PIK3CA: variants seen among roughly 807,000 people sequenced by gnomAD.
The protein encoded by PIK3CA is phosphatidylinositol 4,5-bisphosphate 3-kinase catalytic subunit alpha isoform.
A neutral mutation model predicts 138.2 loss-of-function variants in PIK3CA; 27 were observed. The ratio of observed to expected loss-of-function variants is 0.20; its 90% confidence interval spans 0.14 to 0.27. The LOEUF is 0.27. Ranked by LOEUF, PIK3CA falls within the 10% of genes least tolerant of loss-of-function variation. The pLI is 1.00. For missense variants in PIK3CA, 544 were observed against 1,277.4 expected, an observed-to-expected ratio of 0.43 and a Z score of 8.75; for synonymous variants, 358 against 413.2, an observed-to-expected ratio of 0.87 and a Z score of 1.62.
At chr3:179,161,690 C>CT (rs1312523761) in intron 1 of PIK3CA, among the ~76,000 whole-genome samples, 1 of 152,114 alleles carries the variant, frequency 6.6e-6, no homozygotes, top group East Asian at 1.9e-4. Flanking sequence ...GAATGAGACT[C>CT]TGTCTCAAAA....
At chr3:179,193,946 C>T (rs1024451958) in intron 1 of PIK3CA, among the ~76,000 whole-genome samples, 2 of 152,036 alleles carry the variant, frequency 1.3e-5, no homozygotes, top group Non-Finnish European at 2.9e-5. Context: ...AGTGATTTAT[C>T]CCCCCATTGC....
intron 1 of PIK3CA, among the ~76,000 whole-genome samples, chr3:179,183,515 AATAAATTTGGCATTTG>A (rs1723901770): frequency 6.6e-6 from 1 of 152,240 alleles, no homozygotes; most frequent in African/African-American, 2.4e-5. Context: ...TGTTTTGACC[AATAAATTTGGCATTTG>A]AAATGAGCAG....
rs1488444434 is a variant in PIK3CA, at chr3:179,148,487, G to A, written c.-193G>A. On this transcript the variant is annotated 5_prime_UTR_variant, in exon 1 of 21. Coordinates refer to ENST00000263967, the MANE Select transcript of PIK3CA (RefSeq NM_006218.4). ...GGCAGCTCCGGAGCGGCGGGGGAGA[G>A]GGGCCGGGAGGCGGGGGCCGTGCCG... The A allele has an allele frequency of 6.6e-6, 1 of 151,138 alleles. No individual in the cohort carries two copies. The highest frequency in any genetic ancestry group is 1.5e-5 in the Non-Finnish European group (1 of 67,684). 9.4% of individuals were successfully genotyped at this position (151,138 alleles called of 1,614,324 possible). A position where few individuals can be genotyped will look rare whatever the true frequency, so the allele number is the denominator to read the frequency against.
Position 179,224,201 on chromosome 3 carries a change from G to T in PIK3CA, c.2294+14G>T. On this transcript the variant is annotated intron_variant, in intron 15 of 20. Transcript: ENST00000263967. ...AGGAAACCTCAGGTACTTTCTTGGG[G>T]GTTTCATTGATATATTTAAATAAAT... 1.6e-6 allele frequency: 2 copies of T among 1,257,024 alleles called. No individual in the cohort carries two copies. The highest frequency in any genetic ancestry group is 1.4e-5 in the South Asian group (1 of 73,166). 77.9% of individuals were successfully genotyped at this position (1,257,024 alleles called of 1,614,324 possible).
intron 1 of PIK3CA, among the ~76,000 whole-genome samples, chr3:179,179,689 A>G (rs1365674011): frequency 6.6e-6 from 1 of 152,234 alleles, no homozygotes; most frequent in Non-Finnish European, 1.5e-5. Context: ...ACTGAGAAAC[A>G]TTGAAATCCA....
intron 1 of PIK3CA, among the ~76,000 whole-genome samples, chr3:179,181,938 T>A (rs1723856655): frequency 6.6e-6 from 1 of 152,224 alleles, no homozygotes; most frequent in South Asian, 2.1e-4. Context: ...TATTTATCTC[T>A]GTAATTATAA....
intron 1 of PIK3CA, among the ~76,000 whole-genome samples, chr3:179,178,261 CAAA>C (rs60887179): frequency 4.6e-4 from 37 of 79,874 alleles, no homozygotes; most frequent in African/African-American, 1.0e-3. Flanking sequence ...CTCTAAAGAT[CAAA>C]AAAAAAAAAA....
intron 1 of PIK3CA, among the ~76,000 whole-genome samples, chr3:179,157,309 T>G (rs1560121927): frequency 6.6e-6 from 1 of 152,176 alleles, no homozygotes; most frequent in Non-Finnish European, 1.5e-5. Context: ...ATTTGTGTTC[T>G]TTTTTCTAAC....
intron 4 of PIK3CA, 46 bp downstream of exon 4, chr3:179,201,586 T>C (rs781751302): frequency 1.6e-6 from 2 of 1,288,446 alleles, no homozygotes; most frequent in South Asian, 1.5e-5. Flanking sequence ...TAAAAAGTAA[T>C]CACATTGAGG....
chr3:179,199,221 C>A, intron 2 of PIK3CA, 44 bp downstream of exon 2: 1 of 1,238,624 alleles, frequency 8.1e-7, no homozygotes, highest in Non-Finnish European at 1.1e-6. Flanking sequence ...AACCATAAAG[C>A]TTAACTGTTG....
intron 20 of PIK3CA, among the ~76,000 whole-genome samples, chr3:179,231,220 G>A (rs540837554): frequency 1.3e-5 from 2 of 152,218 alleles, no homozygotes; most frequent in Admixed American, 6.5e-5. Context: ...GGTACTTAAC[G>A]TTGGTTTCAT....
At chr3:179,200,392 T>G (rs1029539726) in intron 3 of PIK3CA, among the ~76,000 whole-genome samples, 3 of 152,032 alleles carry the variant, frequency 2.0e-5, no homozygotes, top group Non-Finnish European at 4.4e-5. Flanking sequence ...GTTTCTAGAA[T>G]TAAGGGAACA....
At chr3:179,210,993 AT>A (rs1560142350) in intron 9 of PIK3CA, among the ~76,000 whole-genome samples, 1 of 152,226 alleles carries the variant, frequency 6.6e-6, no homozygotes, top group African/African-American at 2.4e-5. Flanking sequence ...CAATAAATAT[AT>A]TGGAAAATTT....
intron 1 of PIK3CA, among the ~76,000 whole-genome samples, chr3:179,180,058 A>G (rs1375704682): frequency 6.6e-6 from 1 of 152,190 alleles, no homozygotes. Context: ...CACAGTTGTA[A>G]TGTTTGAGGC....
chr3:179,219,102 ACTT>A lies in PIK3CA; in HGVS notation c.1665-90_1665-88del, dbSNP rs1560145111. The A allele has an allele frequency of 3.0e-6, 2 of 676,720 alleles. No individual in the cohort carries two copies. Among genetic ancestry groups the A allele is most frequent in the Non-Finnish European group, 5.2e-6 (2 of 385,852 alleles). 41.9% of individuals were successfully genotyped at this position (676,720 alleles called of 1,614,324 possible). A position where few individuals can be genotyped will look rare whatever the true frequency, so the allele number is the denominator to read the frequency against. ...AAGCTAGTAATGTAAGAAGTTTGGG[ACTT>A]CTTAAGAAGATTCATATGGAGAAGT... is the stretch of plus-strand genomic sequence containing the variant. On this transcript the variant is annotated intron_variant, in intron 10 of 20. Transcript: ENST00000263967. The surrounding 1 kb of genome is among the most constrained non-coding windows in gnomAD (Gnocchi z 4.2).
At position 179,219,258 on chromosome 3, in the gene PIK3CA, C is replaced by G. The variant is rs2108409954; in HGVS notation, c.1727C>G (p.Ser576Cys). The G allele has an allele frequency of 6.3e-7, 1 of 1,597,244 alleles. No individual in the cohort carries two copies. The change falls in exon 11 of 21, where the codon TCT becomes TGT. Residue 576 changes from serine to cysteine, a missense_variant. Ser to Cys is a moderately radical substitution (Grantham distance 112, BLOSUM62 -1). This residue lies in a region of PIK3CA where 11 missense variants were observed against 48.4 expected (regional missense o/e 0.23). Transcript: ENST00000263967. This position sits in a 1 kb window ranked among gnomAD's most constrained non-coding sequence, Gnocchi z 4.2. ...PKLLLSVKWNSRDEVAQMYCL... is the reference protein window; with the variant it reads ...PKLLLSVKWNCRDEVAQMYCL... ...TTGCTTCTGTCTGTTAAATGGAATT[C>G]TAGAGATGAAGTAGCCCAGGTAAAT... is the stretch of plus-strand genomic sequence containing the variant.
At chr3:179,222,092 C>T (rs1222207019) in intron 14 of PIK3CA, among the ~76,000 whole-genome samples, 2 of 150,728 alleles carry the variant, frequency 1.3e-5, no homozygotes, top group African/African-American at 2.4e-5. Flanking sequence ...CCACCTCTTA[C>T]AATTAAAAGG....
At position 179,149,123 on chromosome 3, in the gene PIK3CA, A is replaced by G. The variant is rs533243010; in HGVS notation, c.-77+520A>G. Among the ~76,000 whole-genome samples, 3 of 152,148 alleles carry G rather than the reference A, an allele frequency of 2.0e-5. No homozygotes were observed. In the South Asian group the frequency reaches 6.2e-4, roughly 32 times the overall value. ...TCTTACTGGGTTTAAATCGCCCGGC[A>G]GGGGTATGGAAGGAACACCGCTCCC... On this transcript the variant is annotated intron_variant, in intron 1 of 20. Coordinates refer to ENST00000263967, the MANE Select transcript of PIK3CA (RefSeq NM_006218.4).
intron 1 of PIK3CA, among the ~76,000 whole-genome samples, chr3:179,150,533 A>G (rs1722990444): frequency 6.6e-6 from 1 of 152,226 alleles, no homozygotes; most frequent in South Asian, 2.1e-4. Context: ...TTATAGCATT[A>G]AAGAGATGTT....
Sources: allele counts gnomAD v4.1 joint callset (sites outside exome capture counted in the v4.1 genomes callset), GRCh38; gene constraint gnomAD v4.1.1; regional missense constraint gnomAD v4.1.1; non-coding constraint Gnocchi (gnomAD v3.1); transcripts MANE v1.5; gene names NCBI Gene and HGNC (gene_info 2026-07-23, HGNC 2026-07-21).